The following CAPSL variants were observed in gnomAD, a reference collection of about 807,000 sequenced individuals.
CAPSL encodes the protein calcyphosine like.
CAPSL carries 17 observed loss-of-function variants against 21.3 expected under a neutral mutation model. The ratio of observed to expected loss-of-function variants is 0.80; its 90% CI spans 0.55 to 1.20. CAPSL has a LOEUF of 1.20. Among genes scored for constraint, CAPSL ranks in the 50% most tolerant of loss-of-function variants. The pLI, the probability that CAPSL is intolerant of heterozygous loss-of-function variation, is 0.00. For synonymous variants in CAPSL, 102 were observed against 89.3 expected (o/e 1.14, Z -0.80); for missense variants, 289 against 259.3 (o/e 1.11, Z -0.79).
chr5:35,929,425 TAGGAATAC>T (rs1236349745), intron 1 of CAPSL, among the ~76,000 whole-genome samples: 1 of 151,880 alleles, frequency 6.6e-6, no homozygotes, highest in Non-Finnish European at 1.5e-5. Flanking sequence ...CCCGAGTAGC[TAGGAATAC>T]AGGCACCTGC....
chr5:35,919,192 A>ATATATATATATATATAT (rs1561439742), intron 2 of CAPSL, among the ~76,000 whole-genome samples: 12 of 108,248 alleles, frequency 1.1e-4, no homozygotes, highest in African/African-American at 2.9e-4. Flanking sequence ...TATATATATA[A>ATATATATATATATATAT]AAATTGTGAA....
At chr5:35,926,753 T>TAG (rs1423763568) in intron 1 of CAPSL, among the ~76,000 whole-genome samples, 2 of 152,196 alleles carry the variant, frequency 1.3e-5, no homozygotes, top group African/African-American at 4.8e-5. Context: ...GAGGCAACCC[T>TAG]AGAGATCGTT....
chr5:35,931,529 G>T (rs767164880), intron 1 of CAPSL, among the ~76,000 whole-genome samples: 1 of 151,892 alleles, frequency 6.6e-6, no homozygotes, highest in Non-Finnish European at 1.5e-5. Context: ...ATGTCAGGGG[G>T]CATTCACTCT....
chr5:35,929,821 C>T (rs914157337), intron 1 of CAPSL, among the ~76,000 whole-genome samples: 7 of 152,154 alleles, frequency 4.6e-5, no homozygotes, highest in Non-Finnish European at 7.3e-5. Flanking sequence ...GACCCCTTCT[C>T]CCATCTTAGG....
intron 4 of CAPSL, among the ~76,000 whole-genome samples, chr5:35,907,177 A>G (rs1760696854): frequency 6.6e-6 from 1 of 152,198 alleles, no homozygotes; most frequent in Non-Finnish European, 1.5e-5. Context: ...TCATATATAC[A>G]AGGAAAGGTC....
intron 2 of CAPSL, among the ~76,000 whole-genome samples, chr5:35,914,170 A>G (rs1738307768): frequency 6.6e-6 from 1 of 152,228 alleles, no homozygotes; most frequent in South Asian, 2.1e-4. Context: ...TATCCTAAAT[A>G]TATATGCACC....
chr5:35,914,987 A>G (rs1332880729), intron 2 of CAPSL, among the ~76,000 whole-genome samples: 1 of 152,220 alleles, frequency 6.6e-6, no homozygotes, highest in Non-Finnish European at 1.5e-5. Context: ...AAGAAAAGAG[A>G]GAAGAATCAA....
At chr5:35,914,657 C>G (rs892005178) in intron 2 of CAPSL, among the ~76,000 whole-genome samples, 2 of 152,048 alleles carry the variant, frequency 1.3e-5, no homozygotes, top group African/African-American at 4.8e-5. Context: ...TTCTTTGAAA[C>G]CAACGAGAAC....
At chr5:35,929,927 T>C (rs1370316530) in intron 1 of CAPSL, among the ~76,000 whole-genome samples, 3 of 152,170 alleles carry the variant, frequency 2.0e-5, no homozygotes, top group Non-Finnish European at 2.9e-5. Context: ...GCAGCAGCTA[T>C]TTTTTTCTGT....
intron 2 of CAPSL, among the ~76,000 whole-genome samples, chr5:35,914,671 G>C (rs1313396760): frequency 6.6e-6 from 1 of 151,996 alleles, no homozygotes; most frequent in African/African-American, 2.4e-5. Context: ...CGAGAACAAA[G>C]ACACAACATA....
At chr5:35,920,297 A>G (rs537223374) in intron 2 of CAPSL, among the ~76,000 whole-genome samples, 7 of 152,272 alleles carry the variant, frequency 4.6e-5, no homozygotes, top group South Asian at 4.2e-4. Context: ...TTAGTCCTCC[A>G]TGGGGGCTTA....
At chr5:35,909,193 A>G (rs1738132133) in intron 4 of CAPSL, among the ~76,000 whole-genome samples, 1 of 151,978 alleles carries the variant, frequency 6.6e-6, no homozygotes, top group African/African-American at 2.4e-5. Context: ...TCCTTACCCT[A>G]CCAAGCTATG....
intron 2 of CAPSL, among the ~76,000 whole-genome samples, chr5:35,920,589 G>A (rs895916814): frequency 6.6e-6 from 1 of 152,180 alleles, no homozygotes; most frequent in African/African-American, 2.4e-5. Context: ...TTGCCCGAGA[G>A]CAAAATTCCA....
intron 1 of CAPSL, among the ~76,000 whole-genome samples, chr5:35,929,537 C>T (rs1257640803): frequency 2.6e-5 from 4 of 152,284 alleles, no homozygotes; most frequent in Admixed American, 6.5e-5. Context: ...ATGATCCACC[C>T]ACCTTGGCCT....
chr5:35,905,020 G>A (rs1438488279), intron 4 of CAPSL, among the ~76,000 whole-genome samples: 1 of 152,172 alleles, frequency 6.6e-6, no homozygotes, highest in Non-Finnish European at 1.5e-5. Context: ...GAAACAACAT[G>A]TCATGTCCTT....
chr5:35,931,887 C>T (rs997834494), intron 1 of CAPSL, among the ~76,000 whole-genome samples: 3 of 152,154 alleles, frequency 2.0e-5, no homozygotes. Context: ...TGTTTCAAAC[C>T]CACTGCAAGG....
intron 3 of CAPSL, 52 bp from the exon 4 acceptor site, chr5:35,910,127 T>C (rs1738176483): frequency 6.9e-7 from 1 of 1,444,900 alleles, no homozygotes. Flanking sequence ...AATGAGCTTT[T>C]TTGGTATCCT....
At chr5:35,910,138 A>G (rs1044848933) in intron 3 of CAPSL, 63 bp from the exon 4 acceptor site, 4 of 1,344,332 alleles carry the variant, frequency 3.0e-6, no homozygotes, top group African/African-American at 1.5e-5. Context: ...TTGGTATCCT[A>G]TGTGATAAAA....
At chr5:35,904,720 C>A in intron 4 of CAPSL, 74 bp from the exon 5 acceptor site, 1 of 1,579,254 alleles carries the variant, frequency 6.3e-7, no homozygotes. Flanking sequence ...CCTTGTGCAC[C>A]TGTAAATAGA....
Sources: gnomAD v4.1 joint callset for allele counts (sites outside exome capture counted in the v4.1 genomes callset) on GRCh38, gnomAD v4.1.1 for gene constraint, MANE v1.5 for transcripts, NCBI Gene and HGNC (gene_info 2026-07-23, HGNC 2026-07-21) for gene names.